Variants in SNTB1 observed in about 807,000 individuals in gnomAD.
SNTB1 encodes syntrophin beta 1.
In SNTB1, 36 loss-of-function variants were observed where a neutral mutation model predicts 48.9. The ratio of observed to expected loss-of-function variants is 0.74; its 90% CI spans 0.56 to 0.97. The LOEUF is 0.97. Ranked by LOEUF, SNTB1 falls within the 50% of genes least tolerant of loss-of-function variation. The pLI, the probability that SNTB1 is intolerant of heterozygous loss-of-function variation, is 0.00. For missense variants in SNTB1, 786 were observed against 703.4 expected, an observed-to-expected ratio of 1.12 and a Z score of -1.33; for synonymous variants, 299 against 294.6, an observed-to-expected ratio of 1.01 and a Z score of -0.15.
chr8:120,760,498 T>C (rs918593633), intron 1 of SNTB1, among the ~76,000 whole-genome samples: 1 of 152,126 alleles, frequency 6.6e-6, no homozygotes, highest in Non-Finnish European at 1.5e-5. Flanking sequence ...AGACCGAGCC[T>C]GGCCTAGCTT....
At chr8:120,744,216 G>C (rs757618325) in intron 1 of SNTB1, among the ~76,000 whole-genome samples, 13 of 151,658 alleles carry the variant, frequency 8.6e-5, no homozygotes, top group Non-Finnish European at 1.8e-4. Flanking sequence ...AGTTCCATTG[G>C]GAAGAGAAGC....
chr8:120,799,552 T>C (rs1397173055), intron 1 of SNTB1, among the ~76,000 whole-genome samples: 1 of 150,716 alleles, frequency 6.6e-6, no homozygotes, highest in Non-Finnish European at 1.5e-5. Flanking sequence ...AATACAAGAG[T>C]TGTACATAAA....
chr8:120,665,636 G>A (rs1020201709), intron 2 of SNTB1, among the ~76,000 whole-genome samples: 1 of 152,008 alleles, frequency 6.6e-6, no homozygotes, highest in Non-Finnish European at 1.5e-5. Flanking sequence ...GTCTTATCTA[G>A]AACCTTTTCC....
intron 1 of SNTB1, among the ~76,000 whole-genome samples, chr8:120,793,112 A>C (rs1384200220): frequency 6.6e-6 from 1 of 151,914 alleles, no homozygotes; most frequent in Non-Finnish European, 1.5e-5. Flanking sequence ...GAGCTTGGAG[A>C]TGCAACTGGG....
chr8:120,704,160 AC>A (rs1818346966), intron 1 of SNTB1, among the ~76,000 whole-genome samples: 1 of 152,168 alleles, frequency 6.6e-6, no homozygotes, highest in Non-Finnish European at 1.5e-5. Context: ...GTTTCTAAAA[AC>A]ATCTTTTGGC....
At chr8:120,777,515 A>T (rs1819756280) in intron 1 of SNTB1, among the ~76,000 whole-genome samples, 1 of 152,186 alleles carries the variant, frequency 6.6e-6, no homozygotes, top group African/African-American at 2.4e-5. Flanking sequence ...TTTGCCATGG[A>T]TATGTCCCAA....
intron 2 of SNTB1, chr8:120,635,969 C>T: frequency 1.7e-6 from 1 of 596,984 alleles, no homozygotes; most frequent in South Asian, 2.3e-5. Flanking sequence ...TATGCCCTCT[C>T]CTTTACTTGC....
intron 1 of SNTB1, among the ~76,000 whole-genome samples, chr8:120,773,203 C>G (rs1819671374): frequency 6.6e-6 from 1 of 152,018 alleles, no homozygotes. Flanking sequence ...CTTAGAGAAG[C>G]CTATTTTGAA....
At chr8:120,806,740 G>A (rs1820342699) in intron 1 of SNTB1, among the ~76,000 whole-genome samples, 1 of 152,132 alleles carries the variant, frequency 6.6e-6, no homozygotes. Context: ...TCTTGTAAAA[G>A]TGAAACTAGT....
chr8:120,699,710 A>G (rs186691558), intron 1 of SNTB1, among the ~76,000 whole-genome samples: 3 of 152,332 alleles, frequency 2.0e-5, no homozygotes, highest in Admixed American at 2.0e-4. Context: ...ACTTACTCAC[A>G]TGGCCACTTC....
intron 1 of SNTB1, among the ~76,000 whole-genome samples, chr8:120,743,135 A>G (rs1272728143): frequency 6.6e-6 from 1 of 152,186 alleles, no homozygotes; most frequent in Admixed American, 6.5e-5. Flanking sequence ...TGTACTATAG[A>G]ACAGAAATTC....
intron 1 of SNTB1, among the ~76,000 whole-genome samples, chr8:120,725,795 T>A (rs1818743711): frequency 6.6e-6 from 1 of 152,212 alleles, no homozygotes; most frequent in South Asian, 2.1e-4. Flanking sequence ...TAATCTGTAT[T>A]CTTACCTTAA....
chr8:120,773,017 A>G (rs951150286), intron 1 of SNTB1, among the ~76,000 whole-genome samples: 1 of 152,186 alleles, frequency 6.6e-6, no homozygotes, highest in Non-Finnish European at 1.5e-5. Context: ...CATGTCAACT[A>G]TGTAGCCCCC....
At chr8:120,702,272 C>T (rs1423322914) in intron 1 of SNTB1, among the ~76,000 whole-genome samples, 1 of 152,170 alleles carries the variant, frequency 6.6e-6, no homozygotes, top group Non-Finnish European at 1.5e-5. Flanking sequence ...CAGAAAGTGA[C>T]ATGCACTAGA....
intron 1 of SNTB1, among the ~76,000 whole-genome samples, chr8:120,768,417 G>A (rs983353344): frequency 3.3e-5 from 5 of 152,168 alleles, no homozygotes; most frequent in African/African-American, 9.7e-5. Context: ...ATGGTAAATC[G>A]TGTGTGCAAA....
At chr8:120,591,945 C>A (rs1816246091) in intron 3 of SNTB1, among the ~76,000 whole-genome samples, 1 of 152,124 alleles carries the variant, frequency 6.6e-6, no homozygotes, top group Admixed American at 6.6e-5. Flanking sequence ...AAAAAATAGA[C>A]CACTTCAGTT....
chr8:120,588,579 A>G (rs1390976908), intron 3 of SNTB1, among the ~76,000 whole-genome samples: 1 of 151,940 alleles, frequency 6.6e-6, no homozygotes, highest in Non-Finnish European at 1.5e-5. Flanking sequence ...GGAGTCTAGT[A>G]GTAAGGACAT....
chr8:120,557,765 G>C (rs901990528), intron 4 of SNTB1, among the ~76,000 whole-genome samples: 1 of 152,162 alleles, frequency 6.6e-6, no homozygotes, highest in African/African-American at 2.4e-5. Context: ...TCTAGCACAT[G>C]GTAGGTGTTC....
chr8:120,574,606 C>A (rs930490298), intron 4 of SNTB1, among the ~76,000 whole-genome samples: 1 of 152,168 alleles, frequency 6.6e-6, no homozygotes, highest in Admixed American at 6.5e-5. Flanking sequence ...CCGAGCCTGG[C>A]AGCCACCCTT....
Sources: gnomAD v4.1 joint callset for allele counts (sites outside exome capture counted in the v4.1 genomes callset) on GRCh38, gnomAD v4.1.1 for gene constraint, MANE v1.5 for transcripts, NCBI Gene and HGNC (gene_info 2026-07-23, HGNC 2026-07-21) for gene names.